The following PDE9A variants were observed in gnomAD, a reference collection of about 807,000 sequenced individuals.
PDE9A encodes the protein high affinity cGMP-specific 3',5'-cyclic phosphodiesterase 9A.
Under a neutral mutation model 87.4 loss-of-function variants are expected in PDE9A, and 60 were observed. The ratio of observed to expected loss-of-function variants is 0.69; its 90% confidence interval spans 0.56 to 0.85. The LOEUF (loss-of-function observed/expected upper bound fraction) is 0.85. Ranked by LOEUF, PDE9A falls within the 40% of genes least tolerant of loss-of-function variation. The probability of loss-of-function intolerance (pLI) is 0.00; values close to 1 mark genes in which losing one functional copy is unlikely to be tolerated. For missense variants in PDE9A, 665 were observed against 779.0 expected, an observed-to-expected ratio of 0.85 and a Z score of 1.74; for synonymous variants, 272 against 279.4, an observed-to-expected ratio of 0.97 and a Z score of 0.27.
At chr21:42,769,482 ACATGCACACAAGGCACGCAGGTAC>A in intron 17 of PDE9A, among the ~76,000 whole-genome samples, 1 of 9,340 alleles carries the variant, frequency 1.1e-4, no homozygotes, top group Admixed American at 6.7e-4. Context: ...ATGCAGGTAC[ACATGCACACAAGGCACGCAGGTAC>A]ACATGCACAC....
chr21:42,765,032 T>C (rs1379841268), intron 14 of PDE9A, among the ~76,000 whole-genome samples: 2 of 151,526 alleles, frequency 1.3e-5, no homozygotes. Flanking sequence ...GGTGGATGGG[T>C]GGATGGACAA....
In PDE9A at chr21:42,769,150, A is replaced by C. The variant is rs1360998286; in HGVS notation, c.1585A>C (p.Thr529Pro). The change falls in exon 17 of 20, where the codon ACC (threonine) becomes CCC (proline). Residue 529 changes from threonine to proline, a missense_variant. Coordinates refer to ENST00000291539, the MANE Select transcript of PDE9A (RefSeq NM_002606.3). ...FVLIPMFETVTKLFPMVEEIM... is the reference protein window; with the variant it reads ...FVLIPMFETVPKLFPMVEEIM... ...CCTGATCCCAATGTTTGAAACAGTG[A>C]CCAAGGTGAGTAACTGTCACCACAT... is the stretch of plus-strand genomic sequence containing the variant. The C allele has an allele frequency of 6.2e-7, 1 of 1,613,162 alleles. No homozygotes were observed. Among genetic ancestry groups the C allele is most frequent in the East Asian group, 2.2e-5 (1 of 44,896 alleles).
chr21:42,752,002 C>T (rs1044369007), intron 9 of PDE9A, among the ~76,000 whole-genome samples: 4 of 151,034 alleles, frequency 2.6e-5, no homozygotes, highest in Non-Finnish European at 4.4e-5. Flanking sequence ...CCGCCTGCCT[C>T]GGCCTCCCAA....
chr21:42,668,898 A>ACCCCCCCCCCCCCCCCCCCCCC (rs375148519), intron 1 of PDE9A, among the ~76,000 whole-genome samples: 2 of 104,784 alleles, frequency 1.9e-5, no homozygotes, highest in African/African-American at 9.2e-5. Context: ...TGCTCCCTCC[A>ACCCCCCCCCCCCCCCCCCCCCC]CCCCCCGCCA....
intron 4 of PDE9A, among the ~76,000 whole-genome samples, chr21:42,718,572 T>A (rs528709848): frequency 1.3e-5 from 2 of 151,176 alleles, no homozygotes; most frequent in East Asian, 3.9e-4. Context: ...ATCCATGAAG[T>A]TTTTTTTTGT....
rs920927676 is a variant in PDE9A at position 42,739,643 on chromosome 21, G to A, written c.569-4133G>A. ...TTCTGCATCTCTGGGATGCAAACTA[G>A]TGAAGCTGTGCTGTGTCACCCAGGA... On this transcript the variant is annotated intron_variant, in intron 7 of 19. Transcript: ENST00000291539. This position sits in a 1 kb window ranked among gnomAD's most constrained non-coding sequence, Gnocchi z 4.1. Among the ~76,000 whole-genome samples, 3 of 152,042 alleles carry A rather than the reference G, an allele frequency of 2.0e-5. No individual in the cohort carries two copies. The highest frequency in any genetic ancestry group is 2.0e-4 in the Admixed American group (3 of 15,254).
chr21:42,676,492 G>A lies in PDE9A; in HGVS notation c.70-9700G>A, dbSNP rs150655030. Among the ~76,000 whole-genome samples, 1,245 of 152,204 alleles carry A rather than the reference G, an allele frequency of 8.2e-3. 15 individuals carry two copies. Among genetic ancestry groups the A allele is most frequent in the African/African-American group, 0.028 (1,162 of 41,512 alleles). On this transcript the variant is annotated intron_variant, in intron 1 of 19. Transcript: ENST00000291539. Reference sequence around the variant, plus strand: ...ATCTGTTCTCTATCTCTTCAATTCCGTCATTTCAAGAATATTATATAAATG... The same window carrying A: ...ATCTGTTCTCTATCTCTTCAATTCCATCATTTCAAGAATATTATATAAATG...
chr21:42,699,189 G>T (rs544381107), intron 4 of PDE9A, among the ~76,000 whole-genome samples, 178 bp downstream of exon 4: 4 of 152,196 alleles, frequency 2.6e-5, no homozygotes, highest in African/African-American at 9.7e-5. Context: ...ATTTGAAGCC[G>T]ATACAACTGC....
At position 42,658,066 on chromosome 21, in the gene PDE9A, C is replaced by T. The variant is rs200439526; in HGVS notation, c.69+4183C>T. On this transcript the variant is annotated intron_variant, in intron 1 of 19. Coordinates refer to ENST00000291539, the MANE Select transcript of PDE9A (RefSeq NM_002606.3). ...ACCCACCGTGGCTACGCCACACCTA[C>T]GCTTGCCTCCACCCGACCTATGCCT... 4.4e-4 allele frequency among the ~76,000 whole-genome samples: 67 copies of T among 152,364 alleles called. 1 individual carries two copies. The East Asian group carries it at 0.013, about 29-fold the overall frequency.
rs1197356167 is a variant in PDE9A at position 42,726,624 on chromosome 21, A to ATTTTTTTT, written c.263-5136_263-5129dup. Among the ~76,000 whole-genome samples the ATTTTTTTT allele has an allele frequency of 7.8e-3, 155 of 19,770 alleles. 23 individuals are homozygous for ATTTTTTTT. Among genetic ancestry groups the ATTTTTTTT allele is most frequent in the African/African-American group, 0.012 (34 of 2,934 alleles). 13.0% of individuals were successfully genotyped at this position (19,770 alleles called of 152,430 possible). A position where few individuals can be genotyped will look rare whatever the true frequency, so the allele number is the denominator to read the frequency against. ...TATATATATATATATATATATATAT[A>ATTTTTTTT]TTTTTTTTTTTTTTTTTGTAGAGAT... On this transcript the variant is annotated intron_variant, in intron 4 of 19. Transcript: ENST00000291539.
At chr21:42,751,250 GCCCA>G in intron 9 of PDE9A, 53 bp downstream of exon 9, 2 of 1,302,300 alleles carry the variant, frequency 1.5e-6, no homozygotes, top group Non-Finnish European at 2.2e-6. Flanking sequence ...CCAGCCCCAC[GCCCA>G]GCCCTGTGGC....
rs2055861745 is a variant in PDE9A at position 42,762,187 on chromosome 21, A to G, written c.1190A>G (p.Glu397Gly). Residue 397 changes from glutamate to glycine, a missense_variant, in exon 14 of 20, where the codon GAG becomes GGG. Physicochemically the swap from Glu to Gly is moderately conservative, Grantham distance 98. Transcript: ENST00000291539. ...AVAFQILAEP[E>G]CNIFSNIPPD... ...GCCTTCCAGATCCTCGCCGAGCCTG[A>G]GTGCAACATCTTCTCCAACATCCCA... The G allele has an allele frequency of 6.2e-7, 1 of 1,614,128 alleles. No homozygotes were observed. The highest frequency in any genetic ancestry group is 8.5e-7 in the Non-Finnish European group (1 of 1,180,020).
intron 1 of PDE9A, among the ~76,000 whole-genome samples, chr21:42,658,644 C>A (rs148452005): frequency 6.6e-6 from 1 of 152,238 alleles, no homozygotes. Context: ...GTCCCCCGGC[C>A]ACACTGACTC....
At position 42,731,717 on chromosome 21, in the gene PDE9A, A is replaced by G. The variant is rs75895779; in HGVS notation, c.263-53A>G. 21 of 1,549,084 alleles carry G rather than the reference A, an allele frequency of 1.4e-5. No homozygotes were observed. In the East Asian group the frequency reaches 4.0e-4, roughly 30 times the overall value. On this transcript the variant is annotated intron_variant, in intron 4 of 19. Transcript: ENST00000291539. The stretch of plus-strand genomic sequence containing the variant: ...TTGCCCCCATAAAATAGACCTGGAC[A>G]CTAAGAGGAAACTTCCCATATTTGG...
In PDE9A at chr21:42,772,513, C is replaced by G; in HGVS notation, c.1761C>G (p.Asn587Lys). 1 of 1,600,812 alleles carries G rather than the reference C, an allele frequency of 6.2e-7. No homozygotes were observed. The highest frequency in any genetic ancestry group is 8.5e-7 in the Non-Finnish European group (1 of 1,172,300). ...GAGAGAGAAGCAGAGATGTGAAAAA[C>G]AGTGAAGGTAATGCTTGCTCTGCTG... is the stretch of plus-strand genomic sequence containing the variant. ...KSRERSRDVK[N>K]SEGDCA The change falls in exon 19 of 20, where the codon AAC becomes AAG. Residue 587 changes from asparagine to lysine, a missense_variant. By Grantham distance (94) the Asn-to-Lys change is moderately conservative. Transcript: ENST00000291539.
chr21:42,770,821 T>C (rs754760832), intron 18 of PDE9A, 23 bp downstream of exon 18: 3 of 1,580,398 alleles, frequency 1.9e-6, no homozygotes, highest in Non-Finnish European at 2.6e-6. Flanking sequence ...GAGAAGAGCC[T>C]GCCTTCCTTG....
Position 42,659,577 on chromosome 21 carries a change from C to T in PDE9A, c.69+5694C>T, listed in dbSNP as rs1337864323. 2.0e-5 allele frequency among the ~76,000 whole-genome samples: 3 copies of T among 152,226 alleles called. No individual in the cohort carries two copies. The highest frequency in any genetic ancestry group is 3.8e-4 in the East Asian group (2 of 5,200). The stretch of plus-strand genomic sequence containing the variant: ...TGCCACCCTTGCCCTCAGGCCTGGG[C>T]ACAGCATAGCCCCCATGACGCTTCT... On this transcript the variant is annotated intron_variant, in intron 1 of 19. Transcript: ENST00000291539. This position sits in a 1 kb window ranked among gnomAD's most constrained non-coding sequence, Gnocchi z 4.1.
At chr21:42,662,534 C>T (rs1057094975) in intron 1 of PDE9A, among the ~76,000 whole-genome samples, 1 of 150,002 alleles carries the variant, frequency 6.7e-6, no homozygotes, top group South Asian at 2.1e-4. Context: ...ACACACACCA[C>T]ACACGTACAC....
intron 4 of PDE9A, chr21:42,724,609 T>G: frequency 3.0e-6 from 3 of 985,054 alleles, no homozygotes; most frequent in Non-Finnish European, 3.6e-6. Flanking sequence ...GAGCCCACTG[T>G]GCTGAGTCAC....
Sources: gnomAD v4.1 joint callset for allele counts (sites outside exome capture counted in the v4.1 genomes callset) on GRCh38, gnomAD v4.1.1 for gene constraint, Gnocchi (gnomAD v3.1) non-coding constraint, MANE v1.5 for transcripts, NCBI Gene and HGNC (gene_info 2026-07-23, HGNC 2026-07-21) for gene names.